GNB1L: variants seen among roughly 807,000 people sequenced by gnomAD.
The protein encoded by GNB1L is G protein subunit beta 1 like.
GNB1L carries 20 observed loss-of-function variants against 29.1 expected under a neutral mutation model. The ratio of observed to expected loss-of-function variants is 0.69; its 90% confidence interval spans 0.48 to 1.00. The LOEUF (loss-of-function observed/expected upper bound fraction) is 1.00, where lower values mean the gene tolerates loss of function less well. Ranked by LOEUF, GNB1L falls within the 50% of genes least tolerant of loss-of-function variation. GNB1L has a pLI of 0.00. For synonymous variants in GNB1L, 193 were observed against 206.5 expected, an observed-to-expected ratio of 0.93 and a Z score of 0.56; for missense variants, 421 against 464.9, an observed-to-expected ratio of 0.91 and a Z score of 0.87.
intron 2 of GNB1L, chr22:19,849,996 T>C: frequency 1.0e-6 from 1 of 985,624 alleles, no homozygotes; most frequent in Non-Finnish European, 1.2e-6. Context: ...GCCTCACAGC[T>C]CTGGACTGCT....
At position 19,812,292 on chromosome 22, in the gene GNB1L, C is replaced by T. The variant is rs1218690111; in HGVS notation, c.410G>A (p.Ser137Asn). The T allele has an allele frequency of 1.2e-6, 2 of 1,612,306 alleles. No individual in the cohort carries two copies. Among genetic ancestry groups the T allele is most frequent in the Middle Eastern group, 1.6e-4 (1 of 6,078 alleles). The change falls in exon 5 of 8, where the codon AGC (serine) becomes AAC (asparagine). Residue 137 changes from serine to asparagine, a missense_variant. Physicochemically the swap from Ser to Asn is conservative, Grantham distance 46. Transcript: ENST00000329517. ...AGGCAGGCTGGCTCTCACCTCGTCG[C>T]TGCCCCTCCCTGGCACGGCAAGCGT... ...RWTLAVPGRG[S>N]DEVQILEMPS...
chr22:19,812,532 C>T, intron 4 of GNB1L, 85 bp from the exon 5 acceptor site: 4 of 1,324,004 alleles, frequency 3.0e-6, no homozygotes, highest in Non-Finnish European at 4.2e-6. Context: ...GAAGGCAAGG[C>T]CATGTTTCCA....
chr22:19,839,207 T>C (rs772296221), intron 2 of GNB1L, among the ~76,000 whole-genome samples: 4 of 152,038 alleles, frequency 2.6e-5, no homozygotes, highest in South Asian at 2.1e-4. Context: ...TGTGTCCTGA[T>C]TGAGGTGGTG....
rs190306065 is a variant in GNB1L at position 19,794,938 on chromosome 22, G to A, written c.733-5978C>T. On this transcript the variant is annotated intron_variant, in intron 7 of 7. Transcript: ENST00000329517. ...GGAGGTTGCAGTGAGCCGAGATCAC[G>A]CCATTGCACTCCAGCCTGGTGACAG... Among the ~76,000 whole-genome samples, 13 of 152,220 alleles carry A rather than the reference G, an allele frequency of 8.5e-5. No homozygotes were observed. The East Asian group carries it at 1.7e-3, about 20-fold the overall frequency.
chr22:19,806,863 TCTGCTCC>T, intron 5 of GNB1L, 106 bp from the exon 6 acceptor site: 1 of 833,308 alleles, frequency 1.2e-6, no homozygotes, highest in Non-Finnish European at 2.0e-6. Flanking sequence ...TGAGTTTCTG[TCTGCTCC>T]CCTCCCCGTG....
At chr22:19,799,207 G>A (rs1569039538) in intron 7 of GNB1L, among the ~76,000 whole-genome samples, 2 of 152,204 alleles carry the variant, frequency 1.3e-5, no homozygotes, top group African/African-American at 2.4e-5. Context: ...TAAGAATATG[G>A]CTGGCTGTAA....
At chr22:19,818,892 CTTG>C (rs1469313106) in intron 4 of GNB1L, among the ~76,000 whole-genome samples, 3 of 152,182 alleles carry the variant, frequency 2.0e-5, no homozygotes, top group Non-Finnish European at 2.9e-5. Flanking sequence ...CAAAGGAGGA[CTTG>C]TTGTCAGCCC....
chr22:19,806,900 T>G lies in GNB1L; in HGVS notation c.418-143A>C, dbSNP rs1270905408. ...CCCGTGGGCACCTGGGAGCCCAGGC[T>G]CCTAATTAGGCTGCATGGGCCCTTG... On this transcript the variant is annotated intron_variant, in intron 5 of 7. Coordinates refer to ENST00000329517, the MANE Select transcript of GNB1L (RefSeq NM_053004.3). 7.8e-5 allele frequency: 55 copies of G among 708,774 alleles called. No individual in the cohort carries two copies. In the Admixed American group the frequency reaches 1.1e-3, roughly 14 times the overall value. The allele number at this position is 708,774 out of a possible 1,614,324, so 43.9% of individuals were successfully genotyped here.
intron 2 of GNB1L, chr22:19,851,993 C>A: frequency 6.2e-7 from 1 of 1,614,148 alleles, no homozygotes; most frequent in East Asian, 2.2e-5. Context: ...CCTGTGGGGT[C>A]GGGAGCTGGG....
intron 7 of GNB1L, 61 bp from the exon 8 acceptor site, chr22:19,789,021 G>A (rs1298679795): frequency 3.9e-6 from 6 of 1,519,996 alleles, no homozygotes; most frequent in Non-Finnish European, 5.3e-6. Context: ...TGCTGCCCCT[G>A]GTGCCCCACC....
chr22:19,838,662 T>G (rs1034001928), intron 2 of GNB1L, among the ~76,000 whole-genome samples: 1 of 152,126 alleles, frequency 6.6e-6, no homozygotes, highest in Non-Finnish European at 1.5e-5. Context: ...GGTTTCACCA[T>G]GTTGGCCAGG....
At chr22:19,853,923 C>T (rs918639178) in intron 2 of GNB1L, among the ~76,000 whole-genome samples, 12 of 152,228 alleles carry the variant, frequency 7.9e-5, no homozygotes, top group South Asian at 4.1e-4. Flanking sequence ...ACACCCCATG[C>T]CCGGGAGCCA....
At chr22:19,847,224 G>C in intron 2 of GNB1L, 1 of 985,486 alleles carries the variant, frequency 1.0e-6, no homozygotes, top group Non-Finnish European at 1.2e-6. Context: ...CCCAGCCACG[G>C]TGGCCCACAG....
intron 2 of GNB1L, chr22:19,851,388 G>T (rs1391998308): frequency 6.2e-7 from 1 of 1,613,984 alleles, no homozygotes; most frequent in Admixed American, 1.7e-5. Context: ...GCCTCCTCTG[G>T]CTGGGAAGAG....
chr22:19,852,872 T>C (rs1001336689), intron 2 of GNB1L, among the ~76,000 whole-genome samples: 6 of 152,058 alleles, frequency 3.9e-5, no homozygotes, highest in African/African-American at 1.5e-4. Flanking sequence ...CACTAACCCA[T>C]AAGTGGTGGA....
chr22:19,832,521 T>C (rs1937697311), intron 2 of GNB1L, among the ~76,000 whole-genome samples: 1 of 152,074 alleles, frequency 6.6e-6, no homozygotes, highest in Non-Finnish European at 1.5e-5. Flanking sequence ...CAGGCAGCAG[T>C]GGCTAAAACT....
Position 19,817,497 on chromosome 22 carries a change from CG to C in GNB1L, c.254+3100del, listed in dbSNP as rs146627091. On this transcript the variant is annotated intron_variant, in intron 4 of 7. Coordinates refer to ENST00000329517, the MANE Select transcript of GNB1L (RefSeq NM_053004.3). Reference sequence around the variant, plus strand: ...TTTGTCTCAAAAAAAGAAAAAAAAACGTAAGAAAAAGAAAACAGCGACAGCT... The same window carrying C: ...TTTGTCTCAAAAAAAGAAAAAAAAACTAAGAAAAAGAAAACAGCGACAGCT... Among the ~76,000 whole-genome samples the C allele has an allele frequency of 8.7e-3, 1,326 of 152,012 alleles. 19 individuals carry two copies. The highest frequency in any genetic ancestry group is 0.031 in the Middle Eastern group (9 of 294).
At chr22:19,842,109 G>A (rs1937872347) in intron 2 of GNB1L, among the ~76,000 whole-genome samples, 1 of 152,210 alleles carries the variant, frequency 6.6e-6, no homozygotes, top group Admixed American at 6.5e-5. Context: ...CCTGAGCAGA[G>A]ACCTCAGTGT....
intron 5 of GNB1L, among the ~76,000 whole-genome samples, chr22:19,807,182 G>A (rs1409230105): frequency 6.6e-6 from 1 of 152,204 alleles, no homozygotes; most frequent in African/African-American, 2.4e-5. Flanking sequence ...GTCCTCTGAG[G>A]GCAGCTCCGG....
Sources: gnomAD v4.1 joint callset for allele counts (sites outside exome capture counted in the v4.1 genomes callset) on GRCh38, gnomAD v4.1.1 for gene constraint, MANE v1.5 for transcripts, NCBI Gene and HGNC (gene_info 2026-07-23, HGNC 2026-07-21) for gene names.